XRN2: variants seen among roughly 807,000 people sequenced by gnomAD.
XRN2 encodes the protein 5'-3' exoribonuclease 2.
XRN2 carries 44 observed loss-of-function variants against 138.5 expected under a neutral mutation model. The observed-to-expected ratio is 0.32, with a 90% CI of 0.25 to 0.41. The LOEUF (loss-of-function observed/expected upper bound fraction) is 0.41, where lower values mean the gene tolerates loss of function less well. Among genes scored for constraint, XRN2 ranks in the 10% least tolerant of loss-of-function variants. The probability of loss-of-function intolerance (pLI) is 1.00; values close to 1 mark genes in which losing one functional copy is unlikely to be tolerated. For missense variants in XRN2, 937 were observed against 1,169.3 expected (o/e 0.80, Z 2.90); for synonymous variants, 354 against 369.4 (o/e 0.96, Z 0.48).
chr20:21,350,399 G>A (rs182028729), intron 20 of XRN2, among the ~76,000 whole-genome samples: 3 of 151,534 alleles, frequency 2.0e-5, no homozygotes, highest in East Asian at 1.9e-4. Context: ...GGTGGCGGGC[G>A]CCTGTAGTCC....
At chr20:21,373,273 G>A (rs750048984) in intron 27 of XRN2, among the ~76,000 whole-genome samples, 2 of 152,140 alleles carry the variant, frequency 1.3e-5, no homozygotes, top group Non-Finnish European at 2.9e-5. Flanking sequence ...CTCACAAAGC[G>A]CCGCGATTAC....
In XRN2 at chr20:21,329,885, GT is replaced by G. The variant is rs2038180810; in HGVS notation, c.428-595del. Among the ~76,000 whole-genome samples the G allele has an allele frequency of 2.6e-5, 4 of 151,758 alleles. No homozygotes were observed. In the South Asian group the frequency reaches 8.3e-4, roughly 32 times the overall value. On this transcript the variant is annotated intron_variant, in intron 4 of 29. Coordinates refer to ENST00000377191, the MANE Select transcript of XRN2 (RefSeq NM_012255.5). ...TGTGTGTGTGTGTGTGTGTGTGTGT[GT>G]GTGTGTGTGTGTATTCTCTTACAGA...
At chr20:21,346,824 G>A (rs1203890048) in intron 17 of XRN2, among the ~76,000 whole-genome samples, 2 of 151,902 alleles carry the variant, frequency 1.3e-5, no homozygotes, top group African/African-American at 4.8e-5. Context: ...TCACCATGTT[G>A]GTCAGGCTGG....
rs369875173 is a variant in XRN2, at chr20:21,389,346, T to G, written c.*8T>G. 31 of 1,610,790 alleles carry G rather than the reference T, an allele frequency of 1.9e-5. No individual in the cohort carries two copies. Among genetic ancestry groups the G allele is most frequent in the Non-Finnish European group, 2.6e-5 (31 of 1,178,396 alleles). On this transcript the variant is annotated 3_prime_UTR_variant, in exon 30 of 30. Coordinates refer to ENST00000377191, the MANE Select transcript of XRN2 (RefSeq NM_012255.5). ...AGATACAATTGGAATTAAGCTTTTG[T>G]AAAGCTTTCCCAAATCCTTTCATCA... is the stretch of plus-strand genomic sequence containing the variant.
chr20:21,349,320 C>T, intron 19 of XRN2, 69 bp from the exon 20 acceptor site: 1 of 1,049,306 alleles, frequency 9.5e-7, no homozygotes, highest in Admixed American at 1.9e-5. Context: ...GAATGAAAGT[C>T]ATATCAAATT....
intron 24 of XRN2, among the ~76,000 whole-genome samples, chr20:21,358,354 A>G (rs768779990): frequency 2.0e-5 from 3 of 152,296 alleles, no homozygotes; most frequent in South Asian, 4.1e-4. Flanking sequence ...AGCATTTTCT[A>G]TTGAGTAAAA....
In XRN2 at chr20:21,389,404, T is replaced by C. The variant is rs534849382; in HGVS notation, c.*66T>C. On this transcript the variant is annotated 3_prime_UTR_variant, in exon 30 of 30. Coordinates refer to ENST00000377191, the MANE Select transcript of XRN2 (RefSeq NM_012255.5). ...GTTTTATGCTATTTGTGGAAAGATT[T>C]CTTTCTCAAGTAGTAGTTTTTAATA... 2.0e-6 allele frequency: 3 copies of C among 1,484,966 alleles called. No homozygotes were observed. The highest frequency in any genetic ancestry group is 2.8e-6 in the Non-Finnish European group (3 of 1,089,792). 92.0% of individuals were successfully genotyped at this position (1,484,966 alleles called of 1,614,324 possible). A position where few individuals can be genotyped will look rare whatever the true frequency, so the allele number is the denominator to read the frequency against.
intron 17 of XRN2, among the ~76,000 whole-genome samples, chr20:21,346,832 T>C (rs2038442632): frequency 6.6e-6 from 1 of 152,052 alleles, no homozygotes. Context: ...TTGGTCAGGC[T>C]GGTCTCAAAC....
At chr20:21,341,070 C>T (rs1475688013) in intron 15 of XRN2, among the ~76,000 whole-genome samples, 1 of 152,202 alleles carries the variant, frequency 6.6e-6, no homozygotes, top group Non-Finnish European at 1.5e-5. Flanking sequence ...ATTGTTGATA[C>T]ATGCGAATAT....
chr20:21,388,477 T>C (rs1410664370), intron 29 of XRN2, among the ~76,000 whole-genome samples: 1 of 152,240 alleles, frequency 6.6e-6, no homozygotes, highest in African/African-American at 2.4e-5. Context: ...CAGAAGTTTG[T>C]TGTTAAAAAC....
chr20:21,358,406 C>CA (rs2038599719), intron 24 of XRN2, among the ~76,000 whole-genome samples: 1 of 152,142 alleles, frequency 6.6e-6, no homozygotes, highest in South Asian at 2.1e-4. Context: ...TAAAATCCAA[C>CA]AAATTGACTA....
intron 23 of XRN2, 33 bp from the exon 24 acceptor site, chr20:21,357,703 C>A: frequency 6.5e-7 from 1 of 1,542,866 alleles, no homozygotes; most frequent in Non-Finnish European, 8.8e-7. Flanking sequence ...TTACAGTTTA[C>A]AGAGAGATGT....
chr20:21,367,792 C>G (rs6082397), intron 26 of XRN2, among the ~76,000 whole-genome samples: 131,245 of 152,144 alleles, frequency 0.86, 56,952 homozygotes, highest in East Asian at 0.98. Context: ...TTAACTTTTT[C>G]CATTATTTCA....
chr20:21,386,870 G>A lies in XRN2; in HGVS notation c.2651G>A (p.Gly884Asp). The change falls in exon 29 of 30, where the codon GGC becomes GAC. Residue 884 changes from glycine to aspartate, a missense_variant and splice_region_variant. Transcript: ENST00000377191. ...GTAAAACTGGTACTTTCCTACAGAG[G>A]CGTTGGGGCTGAACCTCTGCTCCCA... Reference protein sequence around the residue: ...PLFQQQRFDRGVGAEPLLPWN... With the variant: ...PLFQQQRFDRDVGAEPLLPWN... The A allele has an allele frequency of 1.2e-6, 2 of 1,610,958 alleles. No individual in the cohort carries two copies. The highest frequency in any genetic ancestry group is 1.7e-6 in the Non-Finnish European group (2 of 1,177,344).
chr20:21,311,242 C>T (rs929655133), intron 1 of XRN2, among the ~76,000 whole-genome samples: 2 of 152,196 alleles, frequency 1.3e-5, no homozygotes, highest in African/African-American at 4.8e-5. Context: ...GAAACGCTAC[C>T]TGTTAAACAG....
At chr20:21,377,740 G>A (rs1294541623) in intron 27 of XRN2, among the ~76,000 whole-genome samples, 1 of 152,174 alleles carries the variant, frequency 6.6e-6, no homozygotes, top group Non-Finnish European at 1.5e-5. Flanking sequence ...GAGAGATAGA[G>A]GGCAAGGAAA....
At chr20:21,314,654 C>CTT (rs112271498) in intron 1 of XRN2, among the ~76,000 whole-genome samples, 1 of 145,890 alleles carries the variant, frequency 6.9e-6, no homozygotes, top group Non-Finnish European at 1.5e-5. Flanking sequence ...GCTTGGCTAA[C>CTT]TTTTTTTTTT....
chr20:21,373,970 G>C (rs1453343658), intron 27 of XRN2, among the ~76,000 whole-genome samples: 1 of 152,154 alleles, frequency 6.6e-6, no homozygotes, highest in Non-Finnish European at 1.5e-5. Context: ...CCAGCATTTA[G>C]GGAATGTGGG....
In XRN2 at chr20:21,340,758, C is replaced by T. The variant is rs753835562; in HGVS notation, c.1316C>T (p.Thr439Ile). Residue 439 changes from threonine (T) to isoleucine (I), a missense_variant, in exon 15 of 30, where the codon ACT (threonine) becomes ATT (isoleucine). Thr to Ile is a moderately conservative substitution (Grantham distance 89). Around this residue, in one of 6 missense-constraint regions of XRN2, gnomAD observed 471 missense variants for 581.2 expected, o/e 0.81. Coordinates refer to ENST00000377191, the MANE Select transcript of XRN2 (RefSeq NM_012255.5). ...GCTTTCACTCCTAGTGGAATATTAA[C>T]TCCTCATGCCTTGGGTTCAAGAAAT... ...QPAFTPSGIL[T>I]PHALGSRNSP... The T allele has an allele frequency of 1.3e-5, 21 of 1,613,796 alleles. No individual in the cohort carries two copies. The highest frequency in any genetic ancestry group is 1.7e-5 in the Admixed American group (1 of 60,002).
Sources: allele counts gnomAD v4.1 joint callset (sites outside exome capture counted in the v4.1 genomes callset), GRCh38; gene constraint gnomAD v4.1.1; regional missense constraint gnomAD v4.1.1; transcripts MANE v1.5; gene names NCBI Gene and HGNC (gene_info 2026-07-23, HGNC 2026-07-21).